Variants in IMMP2L observed in about 807,000 individuals in gnomAD.
The protein encoded by IMMP2L is inner mitochondrial membrane peptidase subunit 2, also known as mitochondrial inner membrane protease subunit 2.
A neutral mutation model predicts 19.3 loss-of-function variants in IMMP2L; 18 were observed. That is an observed-to-expected ratio of 0.93 (90% confidence interval 0.64 to 1.38). The LOEUF (loss-of-function observed/expected upper bound fraction) is 1.38, where lower values mean the gene tolerates loss of function less well. IMMP2L is among the 40% of genes most tolerant of loss of function. The probability of loss-of-function intolerance (pLI) is 0.00; values close to 1 mark genes in which losing one functional copy is unlikely to be tolerated. For missense variants in IMMP2L, 233 were observed against 218.2 expected (o/e 1.07, Z -0.43); for synonymous variants, 76 against 73.0 (o/e 1.04, Z -0.21).
intron 1 of IMMP2L, among the ~76,000 whole-genome samples, chr7:111,540,466 A>C (rs1339084773): frequency 6.6e-6 from 1 of 152,188 alleles, no homozygotes; most frequent in African/African-American, 2.4e-5. Context: ...TTTACAGCTG[A>C]ACACATAAAA....
intron 4 of IMMP2L, among the ~76,000 whole-genome samples, chr7:110,953,351 G>A (rs1223812008): frequency 6.7e-6 from 1 of 150,028 alleles, no homozygotes; most frequent in Admixed American, 6.7e-5. Context: ...AGTGTGTGAT[G>A]TTCCCCTCCC....
At chr7:111,038,491 A>G (rs1791568019) in intron 3 of IMMP2L, among the ~76,000 whole-genome samples, 1 of 152,140 alleles carries the variant, frequency 6.6e-6, no homozygotes, top group Non-Finnish European at 1.5e-5. Flanking sequence ...TAGGTTAGCA[A>G]ACTCACTAAA....
chr7:110,989,281 A>C (rs1241015357), intron 3 of IMMP2L, among the ~76,000 whole-genome samples: 3 of 151,904 alleles, frequency 2.0e-5, no homozygotes, highest in Non-Finnish European at 4.4e-5. Context: ...TCATGCCTAT[A>C]ATCTCAACAT....
At chr7:111,487,627 A>G (rs1412570010) in intron 2 of IMMP2L, among the ~76,000 whole-genome samples, 2 of 152,168 alleles carry the variant, frequency 1.3e-5, no homozygotes, top group African/African-American at 4.8e-5. Context: ...GAAAAGCCTT[A>G]AGAATAATAT....
At chr7:110,980,227 C>CTTCT (rs1357424350) in intron 3 of IMMP2L, among the ~76,000 whole-genome samples, 1 of 91,902 alleles carries the variant, frequency 1.1e-5, no homozygotes, top group African/African-American at 4.3e-5. Flanking sequence ...TGTGCTGCTT[C>CTTCT]TTTTTTTTTT....
At chr7:111,477,242 C>T (rs978107947) in intron 3 of IMMP2L, among the ~76,000 whole-genome samples, 6 of 152,132 alleles carry the variant, frequency 3.9e-5, no homozygotes, top group Non-Finnish European at 7.4e-5. Flanking sequence ...TACCAACCAC[C>T]AGGGCTGGCT....
At chr7:110,855,885 G>A (rs1252850159) in intron 5 of IMMP2L, among the ~76,000 whole-genome samples, 1 of 151,860 alleles carries the variant, frequency 6.6e-6, no homozygotes, top group Non-Finnish European at 1.5e-5. Context: ...AGACCTATCT[G>A]GGTAAATCTC....
intron 3 of IMMP2L, among the ~76,000 whole-genome samples, chr7:111,382,143 G>A (rs989911783): frequency 1.8e-4 from 28 of 151,772 alleles, no homozygotes; most frequent in African/African-American, 4.8e-4. Flanking sequence ...GTCCAAGACA[G>A]AACAGTGACA....
chr7:111,080,172 T>C lies in IMMP2L; in HGVS notation c.240-116607A>G, dbSNP rs987574219. ...CTCCAAACAAAATGATGCTTGGTGT[T>C]AATTGAAATGTAGGACTGTTACAGT... On this transcript the variant is annotated intron_variant, in intron 3 of 5. Coordinates refer to ENST00000405709, the MANE Select transcript of IMMP2L (RefSeq NM_032549.4). Among the ~76,000 whole-genome samples the C allele has an allele frequency of 2.0e-5, 3 of 152,348 alleles. No homozygotes were observed. In the East Asian group the frequency reaches 5.8e-4, roughly 29 times the overall value.
chr7:110,974,540 T>C (rs1455216889), intron 3 of IMMP2L, among the ~76,000 whole-genome samples: 4 of 152,122 alleles, frequency 2.6e-5, no homozygotes, highest in Non-Finnish European at 5.9e-5. Flanking sequence ...TTCAGTTTCG[T>C]TTTAAAATAT....
At chr7:111,440,331 T>C (rs185155554) in intron 3 of IMMP2L, among the ~76,000 whole-genome samples, 1 of 151,988 alleles carries the variant, frequency 6.6e-6, no homozygotes, top group East Asian at 1.9e-4. Context: ...ATGTACTTCT[T>C]AAGTAATAAG....
intron 5 of IMMP2L, among the ~76,000 whole-genome samples, chr7:110,851,494 A>C (rs1411265505): frequency 6.6e-6 from 1 of 152,140 alleles, no homozygotes; most frequent in East Asian, 1.9e-4. Flanking sequence ...TTGCCTTTGA[A>C]GATATGATTC....
At chr7:110,677,594 T>G (rs1230067752) in intron 5 of IMMP2L, among the ~76,000 whole-genome samples, 1 of 152,048 alleles carries the variant, frequency 6.6e-6, no homozygotes, top group East Asian at 1.9e-4. Context: ...TGATATGCAC[T>G]CAAAGACAAC....
At chr7:111,012,793 C>T (rs1825106121) in intron 3 of IMMP2L, among the ~76,000 whole-genome samples, 1 of 152,008 alleles carries the variant, frequency 6.6e-6, no homozygotes, top group South Asian at 2.1e-4. Flanking sequence ...CCTAACTTGC[C>T]GATGAGGAAA....
intron 3 of IMMP2L, among the ~76,000 whole-genome samples, chr7:111,089,544 TGA>T (rs1326132151): frequency 1.3e-5 from 2 of 152,098 alleles, no homozygotes; most frequent in African/African-American, 4.8e-5. Context: ...GTAAGAAGGA[TGA>T]TTATTACTAT....
intron 1 of IMMP2L, among the ~76,000 whole-genome samples, chr7:111,549,647 A>C (rs954929488): frequency 6.6e-6 from 1 of 152,170 alleles, no homozygotes; most frequent in Non-Finnish European, 1.5e-5. Context: ...CATGAGAAAT[A>C]GTAAGATTCT....
rs541094660 is a variant in IMMP2L, at chr7:111,117,145, A to G, written c.240-153580T>C. Among the ~76,000 whole-genome samples the G allele has an allele frequency of 2.1e-3, 322 of 152,300 alleles. 2 individuals carry two copies. The highest frequency in any genetic ancestry group is 6.8e-3 in the Middle Eastern group (2 of 294). On this transcript the variant is annotated intron_variant, in intron 3 of 5. Coordinates refer to ENST00000405709, the MANE Select transcript of IMMP2L (RefSeq NM_032549.4). Reference sequence around the variant, plus strand: ...AAATTCACTGATCCTAAATTTGTTAATGGCATGGGACTAGAGTATTGAATA... The same window carrying G: ...AAATTCACTGATCCTAAATTTGTTAGTGGCATGGGACTAGAGTATTGAATA...
intron 4 of IMMP2L, among the ~76,000 whole-genome samples, chr7:110,958,512 T>G (rs1818598018): frequency 6.6e-6 from 1 of 152,090 alleles, no homozygotes; most frequent in Non-Finnish European, 1.5e-5. Flanking sequence ...ATCACAGTTT[T>G]ATTGAAATGT....
At chr7:111,458,693 C>T (rs1839886203) in intron 3 of IMMP2L, among the ~76,000 whole-genome samples, 3 of 152,056 alleles carry the variant, frequency 2.0e-5, no homozygotes, top group East Asian at 3.9e-4. Context: ...GATTCTCTGC[C>T]TATATTCTCC....
Sources: allele counts gnomAD v4.1 joint callset (sites outside exome capture counted in the v4.1 genomes callset), GRCh38; gene constraint gnomAD v4.1.1; transcripts MANE v1.5; gene names NCBI Gene and HGNC (gene_info 2026-07-23, HGNC 2026-07-21).